The following ADAMTSL1 variants were observed in gnomAD, a reference collection of about 807,000 sequenced individuals.
ADAMTSL1 encodes the protein ADAMTS like 1.
In ADAMTSL1, 126 loss-of-function variants were observed where a neutral mutation model predicts 201.8. The observed-to-expected ratio is 0.62, with a 90% confidence interval of 0.54 to 0.72. ADAMTSL1 has a LOEUF of 0.72. ADAMTSL1 is among the 30% of genes least tolerant of loss of function. The pLI is 0.00. For missense variants in ADAMTSL1, 2,679 were observed against 2,277.8 expected, an observed-to-expected ratio of 1.18 and a Z score of -3.59; for synonymous variants, 1,121 against 903.4, an observed-to-expected ratio of 1.24 and a Z score of -4.32.
At chr9:18,804,800 A>G (rs1258169679) in intron 20 of ADAMTSL1, among the ~76,000 whole-genome samples, 1 of 152,244 alleles carries the variant, frequency 6.6e-6, no homozygotes, top group African/African-American at 2.4e-5. Context: ...GAAACCTGTG[A>G]CAATTCTAGT....
Position 18,777,649 on chromosome 9 carries a change from C to G in ADAMTSL1, c.3420C>G (p.Gly1140=). The change falls in exon 19 of 29, where the codon GGC becomes GGG. Residue 1140 remains glycine, a synonymous_variant. Coordinates refer to ENST00000380548, the MANE Select transcript of ADAMTSL1 (RefSeq NM_001040272.6). ...TCTCGCCTCATAAACACGTGTCTGG[C>G]TTCAGCAGCTCCCTGCGGACCTCCT... ...VTLSPHKHVS[G]FSSSLRTSST... The G allele has an allele frequency of 6.2e-7, 1 of 1,613,684 alleles. No individual in the cohort carries two copies. Among genetic ancestry groups the G allele is most frequent in the South Asian group, 1.1e-5 (1 of 91,068 alleles).
At chr9:18,871,940 C>T (rs909141320) in intron 23 of ADAMTSL1, among the ~76,000 whole-genome samples, 1 of 152,178 alleles carries the variant, frequency 6.6e-6, no homozygotes, top group Non-Finnish European at 1.5e-5. Flanking sequence ...TCCCAAAAGA[C>T]CAGATTCTGG....
At chr9:18,702,335 G>C (rs763573161) in intron 13 of ADAMTSL1, among the ~76,000 whole-genome samples, 6 of 152,148 alleles carry the variant, frequency 3.9e-5, no homozygotes, top group Non-Finnish European at 8.8e-5. Flanking sequence ...GGTGACACGA[G>C]ACTAATCAAC....
At chr9:18,015,830 C>T (rs1820236535) in intron 1 of ADAMTSL1, among the ~76,000 whole-genome samples, 1 of 151,922 alleles carries the variant, frequency 6.6e-6, no homozygotes, top group Non-Finnish European at 1.5e-5. Context: ...AAGAGAGGAC[C>T]TGAACCCAGT....
chr9:18,357,670 A>C (rs1836312902), intron 2 of ADAMTSL1, among the ~76,000 whole-genome samples: 1 of 152,094 alleles, frequency 6.6e-6, no homozygotes, highest in Non-Finnish European at 1.5e-5. Flanking sequence ...ATTTGTTCTT[A>C]AGTATAGTCA....
intron 26 of ADAMTSL1, chr9:18,905,408 CCT>C: frequency 5.2e-6 from 1 of 191,162 alleles, no homozygotes; most frequent in South Asian, 1.2e-4. Flanking sequence ...ACCATATTAC[CCT>C]CTCTGCACCG....
At chr9:18,520,627 C>T (rs1818633746) in intron 2 of ADAMTSL1, among the ~76,000 whole-genome samples, 1 of 152,190 alleles carries the variant, frequency 6.6e-6, no homozygotes, top group African/African-American at 2.4e-5. Flanking sequence ...CTTGTTAGTG[C>T]CTCTGGCACA....
chr9:18,708,845 T>C (rs541492715), intron 14 of ADAMTSL1, among the ~76,000 whole-genome samples: 1 of 152,354 alleles, frequency 6.6e-6, no homozygotes, highest in Admixed American at 6.5e-5. Context: ...AATAACCAGA[T>C]ACCTTTTTCT....
intron 7 of ADAMTSL1, among the ~76,000 whole-genome samples, chr9:18,656,327 C>T (rs1238017800): frequency 1.3e-5 from 2 of 151,828 alleles, no homozygotes; most frequent in African/African-American, 2.4e-5. Context: ...ACATTATGGG[C>T]AATTAAGAAA....
intron 1 of ADAMTSL1, among the ~76,000 whole-genome samples, chr9:17,945,777 G>C (rs1052389137): frequency 6.4e-5 from 9 of 140,042 alleles, no homozygotes; most frequent in Non-Finnish European, 1.4e-4. Flanking sequence ...GAGAACACAT[G>C]GACACAGGAG....
At chr9:18,302,526 G>T (rs1053867575) in intron 2 of ADAMTSL1, among the ~76,000 whole-genome samples, 6 of 152,116 alleles carry the variant, frequency 3.9e-5, no homozygotes, top group African/African-American at 1.4e-4. Flanking sequence ...TATCAAAATT[G>T]TAAAGTATTT....
chr9:18,894,061 A>C lies in ADAMTSL1; in HGVS notation c.4851+1465A>C, dbSNP rs556510453. Among the ~76,000 whole-genome samples, 82 of 152,346 alleles carry C rather than the reference A, an allele frequency of 5.4e-4. 1 individual carries two copies. Among genetic ancestry groups the C allele is most frequent in the African/African-American group, 1.9e-3 (81 of 41,572 alleles). On this transcript the variant is annotated intron_variant, in intron 26 of 28. Transcript: ENST00000380548. ...CAGGAGAATGAGGTGACAGAATAGA[A>C]ATAGAAATGTGGCCTGGAAAGCAGG... is the stretch of plus-strand genomic sequence containing the variant.
chr9:18,503,811 T>C (rs1822977108), intron 1 of ADAMTSL1, among the ~76,000 whole-genome samples: 1 of 152,120 alleles, frequency 6.6e-6, no homozygotes, highest in South Asian at 2.1e-4. Flanking sequence ...AAAGTTCAAG[T>C]ACAGGTTTTA....
rs535913364 is a variant in ADAMTSL1 at position 18,301,644 on chromosome 9, C to T, written c.207+137663C>T. ...TTATTGTACTCTCCTCGCCTATTTT[C>T]GGGCTCCAGCTGACCTCTGGTAACT... On this transcript the variant is annotated intron_variant, in intron 2 of 29. Transcript: ENST00000680146. Among the ~76,000 whole-genome samples the T allele has an allele frequency of 4.9e-4, 75 of 152,196 alleles. No individual in the cohort carries two copies. The Middle Eastern group carries it at 0.014, about 28-fold the overall frequency.
intron 23 of ADAMTSL1, among the ~76,000 whole-genome samples, chr9:18,870,682 A>C (rs1203147790): frequency 2.6e-5 from 4 of 152,080 alleles, no homozygotes; most frequent in Non-Finnish European, 4.4e-5. Flanking sequence ...AAAAAACACA[A>C]GCTGGTAGAT....
At position 18,290,821 on chromosome 9, in the gene ADAMTSL1, G is replaced by A. The variant is rs138693593; in HGVS notation, c.207+126840G>A. Among the ~76,000 whole-genome samples the A allele has an allele frequency of 5.9e-3, 850 of 143,484 alleles. 5 individuals are homozygous for A. Among genetic ancestry groups the A allele is most frequent in the Non-Finnish European group, 9.2e-3 (618 of 67,024 alleles). 94.1% of individuals were successfully genotyped at this position (143,484 alleles called of 152,430 possible). A position where few individuals can be genotyped will look rare whatever the true frequency, so the allele number is the denominator to read the frequency against. On this transcript the variant is annotated intron_variant, in intron 2 of 29. Coordinates refer to the ADAMTSL1 transcript ENST00000680146. ...TTTTGAGGCAGAGTCTCGCTCTGTCGCCCAGGCTGGAGTGCAGTGGCGCCA... is the reference window on the plus strand; with the variant it reads ...TTTTGAGGCAGAGTCTCGCTCTGTCACCCAGGCTGGAGTGCAGTGGCGCCA...
At chr9:18,907,044 G>A (rs779376480) in intron 28 of ADAMTSL1, 132 bp downstream of exon 28, 35 of 968,806 alleles carry the variant, frequency 3.6e-5, no homozygotes, top group Admixed American at 5.7e-5. Flanking sequence ...TGGTGGTGGA[G>A]TTGAGCATTT....
At chr9:18,422,199 AAG>A in intron 2 of ADAMTSL1, among the ~76,000 whole-genome samples, 1 of 152,122 alleles carries the variant, frequency 6.6e-6, no homozygotes, top group Non-Finnish European at 1.5e-5. Context: ...ACACACACAC[AAG>A]CCACCTTAAA....
intron 3 of ADAMTSL1, among the ~76,000 whole-genome samples, chr9:18,570,345 T>C (rs1168216785): frequency 6.6e-6 from 1 of 152,216 alleles, no homozygotes; most frequent in Non-Finnish European, 1.5e-5. Context: ...ACAAATTATT[T>C]TTATTAGCAT....
Sources: gnomAD v4.1 joint callset for allele counts (sites outside exome capture counted in the v4.1 genomes callset) on GRCh38, gnomAD v4.1.1 for gene constraint, MANE v1.5 for transcripts, NCBI Gene and HGNC (gene_info 2026-07-23, HGNC 2026-07-21) for gene names.